The following CD4 variants were observed in gnomAD, a reference collection of about 807,000 sequenced individuals.
CD4 encodes the protein CD4 molecule.
In CD4, 25 loss-of-function variants were observed where a neutral mutation model predicts 50.5. The observed-to-expected ratio is 0.49, with a 90% CI of 0.36 to 0.69. CD4 has a LOEUF of 0.69. CD4 is among the 30% of genes least tolerant of loss of function. The pLI is 0.00. For synonymous variants in CD4, 207 were observed against 221.9 expected, an observed-to-expected ratio of 0.93 and a Z score of 0.60; for missense variants, 456 against 548.5, an observed-to-expected ratio of 0.83 and a Z score of 1.68.
At chr12:6,812,769 T>G (rs7971576) in intron 3 of CD4, among the ~76,000 whole-genome samples, 58 of 32,320 alleles carry the variant, frequency 1.8e-3, no homozygotes, top group East Asian at 0.01. Context: ...CCAAGGTTAT[T>G]TTTGTGTGTG....
At chr12:6,793,856 T>C (rs1942268023) in intron 1 of CD4, among the ~76,000 whole-genome samples, 1 of 151,820 alleles carries the variant, frequency 6.6e-6, no homozygotes, top group African/African-American at 2.4e-5. Context: ...TTTCATGATG[T>C]TGGCCAGGCT....
chr12:6,806,178 C>T (rs1487161865), intron 3 of CD4, among the ~76,000 whole-genome samples: 28 of 137,920 alleles, frequency 2.0e-4, no homozygotes, highest in African/African-American at 7.9e-4. Flanking sequence ...CACACACACA[C>T]ACACATACAC....
At position 6,816,045 on chromosome 12, in the gene CD4, C is replaced by G; in HGVS notation, c.608-11C>G. The G allele has an allele frequency of 6.2e-7, 1 of 1,613,988 alleles. No homozygotes were observed. Among genetic ancestry groups the G allele is most frequent in the African/African-American group, 1.3e-5 (1 of 75,040 alleles). The stretch of plus-strand genomic sequence containing the variant: ...TCTCCTCACCCAGGGTCTCTCCCTT[C>G]CCACCTCCAGCTTTCCAGAAGGCCT... On this transcript the variant is annotated splice_polypyrimidine_tract_variant and intron_variant, in intron 5 of 9. Transcript: ENST00000011653. This position sits in a 1 kb window ranked among gnomAD's most constrained non-coding sequence, Gnocchi z 4.9.
At chr12:6,811,491 CTTTTTTTTT>C (rs11318741) in intron 3 of CD4, among the ~76,000 whole-genome samples, 1 of 111,024 alleles carries the variant, frequency 9.0e-6, no homozygotes, top group African/African-American at 3.9e-5. Flanking sequence ...TTTTCTTTTT[CTTTTTTTTT>C]TTTTTTTTTT....
At chr12:6,814,666 G>A (rs782009235) in intron 4 of CD4, 93 bp from the exon 5 acceptor site, 47 of 962,118 alleles carry the variant, frequency 4.9e-5, no homozygotes, top group Non-Finnish European at 7.3e-5. Flanking sequence ...ATGTTGGGAC[G>A]GCGATAATGG....
intron 7 of CD4, among the ~76,000 whole-genome samples, chr12:6,817,931 TCA>T (rs782671241): frequency 3.3e-5 from 5 of 150,258 alleles, no homozygotes; most frequent in South Asian, 2.1e-4. Flanking sequence ...ACACGTACAC[TCA>T]CACACTTATA....
chr12:6,812,855 G>A (rs1555117225), intron 3 of CD4, among the ~76,000 whole-genome samples: 3 of 150,336 alleles, frequency 2.0e-5, no homozygotes, highest in South Asian at 2.1e-4. Flanking sequence ...GCAGTGGTGC[G>A]ATCTCACTGC....
chr12:6,800,512 T>A (rs907570206), intron 3 of CD4, 41 bp downstream of exon 3: 2 of 1,554,274 alleles, frequency 1.3e-6, no homozygotes, highest in African/African-American at 2.7e-5. Context: ...GAAAACACAC[T>A]ATGGAGTGAA....
chr12:6,815,264 C>T (rs1943056777), intron 5 of CD4, among the ~76,000 whole-genome samples: 1 of 152,108 alleles, frequency 6.6e-6, no homozygotes, highest in Admixed American at 6.5e-5. Context: ...CCTTTGGAGG[C>T]CCCAAAGGAG....
rs1555117877 is a variant in CD4, at chr12:6,816,105, G to A, written c.657G>A (p.Val219=). The A allele has an allele frequency of 6.2e-7, 1 of 1,614,202 alleles. No homozygotes were observed. Among genetic ancestry groups the A allele is most frequent in the Non-Finnish European group, 8.5e-7 (1 of 1,180,028 alleles). The part of the protein sequence containing the change: ...SIVYKKEGEQ[V]EFSFPLAFTV... ...TCTATAAGAAAGAGGGGGAACAGGT[G>A]GAGTTCTCCTTCCCACTCGCCTTTA... Residue 219 remains valine, a synonymous_variant, in exon 6 of 10, where the codon GTG becomes GTA. Coordinates refer to ENST00000011653, the MANE Select transcript of CD4 (RefSeq NM_000616.5). This position sits in a 1 kb window ranked among gnomAD's most constrained non-coding sequence, Gnocchi z 4.9.
chr12:6,802,930 TC>T (rs1223573761), intron 3 of CD4, among the ~76,000 whole-genome samples: 1 of 151,440 alleles, frequency 6.6e-6, no homozygotes, highest in African/African-American at 2.4e-5. Context: ...GAGACAGGGT[TC>T]CACCATGCTA....
At position 6,792,831 on chromosome 12, in the gene CD4, C is replaced by T. The variant is rs957737382; in HGVS notation, c.-68+3169C>T. ...CCAGGGGAGCCCGGGAGAGCCAGCA[C>T]GGCCGCCTGGTATATGAGGCAAAGA... On this transcript the variant is annotated intron_variant, in intron 1 of 9. Coordinates refer to ENST00000011653, the MANE Select transcript of CD4 (RefSeq NM_000616.5). This position sits in a 1 kb window ranked among gnomAD's most constrained non-coding sequence, Gnocchi z 4.1. 2.6e-5 allele frequency among the ~76,000 whole-genome samples: 4 copies of T among 152,142 alleles called. No homozygotes were observed. Among genetic ancestry groups the T allele is most frequent in the East Asian group, 1.9e-4 (1 of 5,186 alleles).
chr12:6,819,246 CA>C, intron 9 of CD4, 52 bp from the exon 10 acceptor site: 1 of 1,598,526 alleles, frequency 6.3e-7, no homozygotes, highest in Non-Finnish European at 8.6e-7. Flanking sequence ...TGCTAGAACG[CA>C]AAGGGGTTGC....
chr12:6,817,864 T>C (rs1411288569), intron 7 of CD4, among the ~76,000 whole-genome samples: 1 of 142,610 alleles, frequency 7.0e-6, no homozygotes, highest in East Asian at 2.1e-4. Flanking sequence ...TACTCACACA[T>C]GCATGCACAC....
rs1942511506 is a variant in CD4, at chr12:6,800,480, G to T, written c.214+9G>T. The T allele has an allele frequency of 6.2e-7, 1 of 1,609,138 alleles. No individual in the cohort carries two copies. On this transcript the variant is annotated intron_variant, in intron 3 of 9. Transcript: ENST00000011653. ...CTCCTTCTTAACTAAAGGTAGGGTT[G>T]CCTGGCTCCCCATCCAGGGAGGAAA...
chr12:6,789,835 C>A (rs1942098121), intron 1 of CD4, among the ~76,000 whole-genome samples, 173 bp downstream of exon 1: 1 of 152,244 alleles, frequency 6.6e-6, no homozygotes. Flanking sequence ...CTGTGAGCTT[C>A]CAGAGGTCAG....
At chr12:6,791,486 G>A (rs948283925) in intron 1 of CD4, among the ~76,000 whole-genome samples, 7 of 152,116 alleles carry the variant, frequency 4.6e-5, no homozygotes, top group Non-Finnish European at 8.8e-5. Flanking sequence ...CAAATGATCC[G>A]CCCGCCTTGG....
chr12:6,811,348 G>A (rs1942928548), intron 3 of CD4, among the ~76,000 whole-genome samples: 1 of 152,118 alleles, frequency 6.6e-6, no homozygotes, highest in Admixed American at 6.5e-5. Flanking sequence ...CTTGGTGATG[G>A]TTATTAGATT....
rs1296998571 is a variant in CD4 at position 6,792,330 on chromosome 12, C to T, written c.-68+2668C>T. On this transcript the variant is annotated intron_variant, in intron 1 of 9. Coordinates refer to ENST00000011653, the MANE Select transcript of CD4 (RefSeq NM_000616.5). The surrounding 1 kb of genome is among the most constrained non-coding windows in gnomAD (Gnocchi z 4.1). ...GGAACCTCAAGGCTCTGAGAAAGTG[C>T]GTGGTGTGTGTTGCCATTTTGGTCT... is the stretch of plus-strand genomic sequence containing the variant. Among the ~76,000 whole-genome samples, 2 of 152,246 alleles carry T rather than the reference C, an allele frequency of 1.3e-5. No individual in the cohort carries two copies. The highest frequency in any genetic ancestry group is 3.4e-3 in the Middle Eastern group (1 of 294).
Sources: allele counts gnomAD v4.1 joint callset (sites outside exome capture counted in the v4.1 genomes callset), GRCh38; gene constraint gnomAD v4.1.1; non-coding constraint Gnocchi (gnomAD v3.1); transcripts MANE v1.5; gene names NCBI Gene and HGNC (gene_info 2026-07-23, HGNC 2026-07-21).